The following LDHA variants were observed in gnomAD, a reference collection of about 807,000 sequenced individuals.
The protein encoded by LDHA is L-lactate dehydrogenase A chain.
In LDHA, 10 loss-of-function variants were observed where a neutral mutation model predicts 36.3. The ratio of observed to expected loss-of-function variants is 0.28; its 90% CI spans 0.17 to 0.47. The LOEUF is 0.47. Among genes scored for constraint, LDHA ranks in the 20% least tolerant of loss-of-function variants. The pLI is 0.99. For synonymous variants in LDHA, 110 were observed against 136.7 expected, an observed-to-expected ratio of 0.80 and a Z score of 1.36; for missense variants, 267 against 405.8, an observed-to-expected ratio of 0.66 and a Z score of 2.94.
intron 6 of LDHA, among the ~76,000 whole-genome samples, chr11:18,405,122 A>C (rs777178198): frequency 3.3e-5 from 5 of 152,190 alleles, no homozygotes; most frequent in Admixed American, 6.6e-5. Context: ...TTATATTTTT[A>C]AGAATTATCC....
At chr11:18,401,352 T>C (rs1866488332) in intron 4 of LDHA, among the ~76,000 whole-genome samples, 1 of 151,046 alleles carries the variant, frequency 6.6e-6, no homozygotes, top group African/African-American at 2.4e-5. Flanking sequence ...GGTTTCACCA[T>C]GTTGGCCAGG....
rs1321971504 is a variant in LDHA, at chr11:18,407,420, G to A, written c.*139G>A. Reference sequence around the variant, plus strand: ...TGGACTGGGAAAAACATCAACTCCTGAAGTTAGAAATAAGAATGGTTTGTA... The same window carrying A: ...TGGACTGGGAAAAACATCAACTCCTAAAGTTAGAAATAAGAATGGTTTGTA... On this transcript the variant is annotated 3_prime_UTR_variant, in exon 8 of 8. Coordinates refer to ENST00000422447, the MANE Select transcript of LDHA (RefSeq NM_005566.4). 6.6e-7 allele frequency: 1 copy of A among 1,524,378 alleles called. No homozygotes were observed. Among genetic ancestry groups the A allele is most frequent in the Non-Finnish European group, 8.9e-7 (1 of 1,119,324 alleles). The allele number at this position is 1,524,378 out of a possible 1,614,324, so 94.4% of individuals were successfully genotyped here.
In LDHA at chr11:18,405,464, C is replaced by G; in HGVS notation, c.726C>G (p.Ile242Met). Residue 242 changes from isoleucine to methionine, a missense_variant, in exon 7 of 8, where the codon ATC (isoleucine) becomes ATG (methionine). Physicochemically the swap from Ile to Met is conservative, Grantham distance 10 (BLOSUM62 1). Coordinates refer to ENST00000422447, the MANE Select transcript of LDHA (RefSeq NM_005566.4). The stretch of plus-strand genomic sequence containing the variant: ...TATCATACAGTGCTTATGAGGTGAT[C>G]AAACTCAAAGGCTACACATCCTGGG... ...KQVVESAYEV[I>M]KLKGYTSWAI... 1 of 1,613,246 alleles carries G rather than the reference C, an allele frequency of 6.2e-7. No homozygotes were observed. The highest frequency in any genetic ancestry group is 1.3e-5 in the African/African-American group (1 of 75,012).
intron 6 of LDHA, among the ~76,000 whole-genome samples, chr11:18,404,807 C>CAAAAAAAAAAAAAA (rs10684351): frequency 1.4e-4 from 17 of 125,518 alleles, no homozygotes; most frequent in Admixed American, 2.6e-4. Context: ...GACTCCGTCT[C>CAAAAAAAAAAAAAA]AAAAAAAAAA....
chr11:18,401,078 A>G (rs1866473355), intron 4 of LDHA, 68 bp downstream of exon 4: 1 of 568,596 alleles, frequency 1.8e-6, no homozygotes, highest in South Asian at 4.7e-5. Flanking sequence ...TATATATATT[A>G]TATATATTTT....
rs776016684 is a variant in LDHA at position 18,396,925 on chromosome 11, T to C, written c.83T>C (p.Val28Ala). Reference protein sequence around the residue: ...TPQNKITVVGVGAVGMACAIS... With the variant: ...TPQNKITVVGAGAVGMACAIS... ...CAGAATAAGATTACAGTTGTTGGGG[T>C]TGGTGCTGTTGGCATGGCCTGTGCC... Residue 28 changes from valine (V) to alanine (A), a missense_variant, in exon 2 of 8, where the codon GTT becomes GCT. Val to Ala is a moderately conservative substitution (Grantham distance 64). Coordinates refer to ENST00000422447, the MANE Select transcript of LDHA (RefSeq NM_005566.4). 6 of 1,613,934 alleles carry C rather than the reference T, an allele frequency of 3.7e-6. No individual in the cohort carries two copies. The South Asian group carries it at 6.6e-5, about 18-fold the overall frequency.
chr11:18,401,152 A>G (rs1284479253), intron 4 of LDHA, 142 bp downstream of exon 4: 1 of 330,758 alleles, frequency 3.0e-6, no homozygotes, highest in Non-Finnish European at 4.6e-6. Context: ...ATTTTAAAAT[A>G]TATATATATA....
chr11:18,406,402 T>G (rs1398873532), intron 7 of LDHA, among the ~76,000 whole-genome samples: 3 of 120,868 alleles, frequency 2.5e-5, no homozygotes, highest in Non-Finnish European at 4.9e-5. Flanking sequence ...TATAGTGAGA[T>G]CTTGCCTCTG....
At chr11:18,403,053 A>AT in intron 5 of LDHA, 40 bp downstream of exon 5, 1 of 1,556,166 alleles carries the variant, frequency 6.4e-7, no homozygotes, top group South Asian at 1.1e-5. Context: ...TGAAAAGATT[A>AT]TATAAAAAGT....
chr11:18,405,319 G>C, intron 6 of LDHA, 130 bp from the exon 7 acceptor site: 1 of 914,558 alleles, frequency 1.1e-6, no homozygotes, highest in Non-Finnish European at 1.8e-6. Flanking sequence ...ATGTGTGCAA[G>C]GGTTATTCTT....
intron 1 of LDHA, chr11:18,394,961 G>GA (rs1285445676): frequency 3.5e-6 from 1 of 284,724 alleles, no homozygotes; most frequent in East Asian, 9.8e-5. Context: ...AAGGGTGGGG[G>GA]ATACCTCTGG....
At chr11:18,399,182 A>G in intron 2 of LDHA, 1 of 471,224 alleles carries the variant, frequency 2.1e-6, no homozygotes, top group Non-Finnish European at 3.9e-6. Flanking sequence ...CCACATCTGC[A>G]GTGGTGGAAC....
Position 18,402,979 on chromosome 11 carries a change from T to C in LDHA, c.558T>C (p.His186=), listed in dbSNP as rs570034363. ...TGGGAGTTCACCCATTAAGCTGTCA[T>C]GGGTGGGTCCTTGGGGAACATGGAG... ...ERLGVHPLSC[H]GWVLGEHGDS... The change falls in exon 5 of 8, where the codon CAT becomes CAC. Residue 186 remains histidine, a synonymous_variant. Transcript: ENST00000422447. 39 of 1,613,806 alleles carry C rather than the reference T, an allele frequency of 2.4e-5. No homozygotes were observed. In the Admixed American group the frequency reaches 5.5e-4, roughly 23 times the overall value.
chr11:18,396,049 G>A (rs1334355934), intron 1 of LDHA, among the ~76,000 whole-genome samples: 3 of 152,258 alleles, frequency 2.0e-5, no homozygotes, highest in Admixed American at 2.0e-4. Context: ...GCATTCATTA[G>A]GTCTGAAGTC....
chr11:18,404,372 G>A (rs1304447486), intron 6 of LDHA, among the ~76,000 whole-genome samples: 1 of 152,044 alleles, frequency 6.6e-6, no homozygotes, highest in African/African-American at 2.4e-5. Flanking sequence ...TCCTGCCACT[G>A]CACTCCAGAG....
intron 3 of LDHA, 22 bp from the exon 4 acceptor site, chr11:18,400,815 T>G: frequency 1.9e-6 from 3 of 1,605,962 alleles, no homozygotes; most frequent in Non-Finnish European, 2.6e-6. Flanking sequence ...CTTAATCTGG[T>G]CATTATTCCC....
intron 4 of LDHA, among the ~76,000 whole-genome samples, chr11:18,401,211 G>A (rs887755066): frequency 6.0e-5 from 9 of 150,042 alleles, no homozygotes; most frequent in African/African-American, 2.2e-4. Context: ...GTGCAGTGGC[G>A]CAATCTGGGC....
Position 18,394,595 on chromosome 11 carries a change from C to T in LDHA, c.-66C>T, listed in dbSNP as rs1016376653. 6 of 454,010 alleles carry T rather than the reference C, an allele frequency of 1.3e-5. No individual in the cohort carries two copies. Among genetic ancestry groups the T allele is most frequent in the East Asian group, 6.9e-5 (1 of 14,394 alleles). The allele number at this position is 454,010 out of a possible 1,614,324, so 28.1% of individuals were successfully genotyped here. The stretch of plus-strand genomic sequence containing the variant: ...AGCCGCTGCCGCCGATTCCGGATCT[C>T]ATTGCCACGCGCCCCCGACGACCGC... On this transcript the variant is annotated 5_prime_UTR_variant, in exon 1 of 8. Coordinates refer to ENST00000422447, the MANE Select transcript of LDHA (RefSeq NM_005566.4).
chr11:18,406,857 T>A (rs1268965964), intron 7 of LDHA: 1 of 377,646 alleles, frequency 2.6e-6, no homozygotes, highest in East Asian at 6.0e-5. Context: ...GTACTAAACA[T>A]ACAAAAATTA....
Sources: gnomAD v4.1 joint callset for allele counts (sites outside exome capture counted in the v4.1 genomes callset) on GRCh38, gnomAD v4.1.1 for gene constraint, MANE v1.5 for transcripts, NCBI Gene and HGNC (gene_info 2026-07-23, HGNC 2026-07-21) for gene names.